VILL: variants seen among roughly 807,000 people sequenced by gnomAD.
VILL encodes the protein villin-like protein.
Under a neutral mutation model 106.3 loss-of-function variants are expected in VILL, and 102 were observed. That is an observed-to-expected ratio of 0.96 (90% CI 0.82 to 1.13). The LOEUF is 1.13. Among genes scored for constraint, VILL ranks in the 50% most tolerant of loss-of-function variants. The probability of loss-of-function intolerance (pLI) is 0.00; values close to 1 mark genes in which losing one functional copy is unlikely to be tolerated. For synonymous variants in VILL, 431 were observed against 440.3 expected, an observed-to-expected ratio of 0.98 and a Z score of 0.27; for missense variants, 1,076 against 1,116.6, an observed-to-expected ratio of 0.96 and a Z score of 0.52.
At chr3:38,006,415 C>T (rs1699925605) in intron 18 of VILL, 34 bp from the exon 19 acceptor site, 10 of 1,579,418 alleles carry the variant, frequency 6.3e-6, no homozygotes, top group South Asian at 1.2e-5. Context: ...ACTGATTCCC[C>T]ATCTTCCCCA....
intron 14 of VILL, chr3:38,002,783 G>A (rs1196577630): frequency 4.8e-6 from 3 of 629,184 alleles, no homozygotes; most frequent in South Asian, 2.2e-5. Flanking sequence ...GCAGGTCAGA[G>A]CCAGGCCCAG....
At position 38,002,456 on chromosome 3, in the gene VILL, C is replaced by G; in HGVS notation, c.1540C>G (p.Gln514Glu). The G allele has an allele frequency of 6.2e-7, 1 of 1,614,128 alleles. No homozygotes were observed. The highest frequency in any genetic ancestry group is 8.5e-7 in the Non-Finnish European group (1 of 1,179,994). The change falls in exon 14 of 20, where the codon CAA becomes GAA. Residue 514 changes from glutamine (Q) to glutamate (E), a missense_variant. Gln to Glu is a conservative substitution (Grantham distance 29, BLOSUM62 2). Coordinates refer to ENST00000383759, the MANE Select transcript of VILL (RefSeq NM_015873.4). ...SASTTRLFQV[Q>E]GTDSHNTRTM... ...ATCCACCACAAGGCTTTTCCAAGTGCAAGGCACTGACAGCCACAACACCAG... is the reference window on the plus strand; with the variant it reads ...ATCCACCACAAGGCTTTTCCAAGTGGAAGGCACTGACAGCCACAACACCAG...
rs1699853230 is a variant in VILL, at chr3:38,003,261, C to T, written c.1753C>T (p.Pro585Ser). The change falls in exon 15 of 20, where the codon CCC becomes TCC. Residue 585 changes from proline (P) to serine (S), a missense_variant. Transcript: ENST00000383759. ...AACGGTGCTGGAGGGTCAGGAGCCT[C>T]CCCACTTCTGGGAGGCCCTGGGAGG... is the stretch of plus-strand genomic sequence containing the variant. Reference protein sequence around the residue: ...EETVLEGQEPPHFWEALGGRA... With the variant: ...EETVLEGQEPSHFWEALGGRA... 2.5e-6 allele frequency: 4 copies of T among 1,613,720 alleles called. No individual in the cohort carries two copies. The highest frequency in any genetic ancestry group is 3.4e-6 in the Non-Finnish European group (4 of 1,179,842).
Position 37,997,114 on chromosome 3 carries a change from T to A in VILL, c.488T>A (p.Ile163Asn). 1 of 1,614,104 alleles carries A rather than the reference T, an allele frequency of 6.2e-7. No homozygotes were observed. The highest frequency in any genetic ancestry group is 8.5e-7 in the Non-Finnish European group (1 of 1,180,010). The change falls in exon 6 of 20, where the codon ATC becomes AAC. Residue 163 changes from isoleucine to asparagine, a missense_variant. Ile to Asn is a moderately radical substitution (Grantham distance 149). Transcript: ENST00000383759. This position sits in a 1 kb window ranked among gnomAD's most constrained non-coding sequence, Gnocchi z 4.7. Reference protein sequence around the residue: ...LSWNSFNKGDIFLLDLGKMMI... With the variant: ...LSWNSFNKGDNFLLDLGKMMI... ...TGGAACAGCTTTAATAAGGGTGACA[T>A]CTTCCTGCTGGACCTAGGCAAGATG...
At chr3:37,992,158 T>C (rs1209835190) in intron 1 of VILL, among the ~76,000 whole-genome samples, 1 of 152,152 alleles carries the variant, frequency 6.6e-6, no homozygotes, top group Non-Finnish European at 1.5e-5. Flanking sequence ...TCTGTCACCA[T>C]GTTGTACTCT....
chr3:37,993,148 C>T (rs945727223), intron 1 of VILL, among the ~76,000 whole-genome samples: 1 of 152,226 alleles, frequency 6.6e-6, no homozygotes, highest in African/African-American at 2.4e-5. Flanking sequence ...CCCCCAGGTA[C>T]TTCTCATTCC....
intron 11 of VILL, among the ~76,000 whole-genome samples, chr3:37,999,880 C>G (rs1359979757): frequency 6.6e-6 from 1 of 152,218 alleles, no homozygotes; most frequent in Non-Finnish European, 1.5e-5. Flanking sequence ...CACAGACACA[C>G]GATCACACAT....
chr3:38,003,938 G>T (rs1267560409), intron 15 of VILL: 2 of 279,036 alleles, frequency 7.2e-6, no homozygotes, highest in African/African-American at 2.1e-5. Flanking sequence ...CCAGGGGTGG[G>T]CTGAGGAGCT....
Position 37,997,515 on chromosome 3 carries a change from G to A in VILL, c.594G>A (p.Arg198=). 1.2e-6 allele frequency: 2 copies of A among 1,614,064 alleles called. No homozygotes were observed. Among genetic ancestry groups the A allele is most frequent in the Non-Finnish European group, 1.7e-6 (2 of 1,180,022 alleles). ...CTTTGACCTACAGCCTCCGGGACAG[G>A]GAACGTGGTGGTGGTCGTGCACAGA... ...GLALTYSLRD[R]ERGGGRAQIG... is the part of the protein sequence containing the mutation. The change falls in exon 7 of 20, where the codon AGG becomes AGA. Residue 198 remains arginine (R), a synonymous_variant. Transcript: ENST00000383759. The surrounding 1 kb of genome is among the most constrained non-coding windows in gnomAD (Gnocchi z 4.7).
chr3:37,997,972 G>GCC lies in VILL; in HGVS notation c.765-115_765-114dup, dbSNP rs917442944. The GCC allele has an allele frequency of 8.9e-7, 1 of 1,120,346 alleles. No individual in the cohort carries two copies. Among genetic ancestry groups the GCC allele is most frequent in the Non-Finnish European group, 1.3e-6 (1 of 798,018 alleles). 69.4% of individuals were successfully genotyped at this position (1,120,346 alleles called of 1,614,324 possible). ...GTAAAAGTGAAGACTACAACTCGGG[G>GCC]CCCCAGCCCCCATGCCTTCTGTCTC... is the stretch of plus-strand genomic sequence containing the variant. On this transcript the variant is annotated intron_variant, in intron 7 of 19. Coordinates refer to ENST00000383759, the MANE Select transcript of VILL (RefSeq NM_015873.4). This position sits in a 1 kb window ranked among gnomAD's most constrained non-coding sequence, Gnocchi z 4.7.
intron 13 of VILL, 152 bp from the exon 14 acceptor site, chr3:38,002,244 A>G (rs960701255): frequency 1.3e-5 from 9 of 700,536 alleles, no homozygotes; most frequent in Admixed American, 1.2e-4. Flanking sequence ...CTCCACACTT[A>G]GAGGGTCCTG....
Position 38,001,804 on chromosome 3 carries a change from G to A in VILL, c.1423G>A (p.Gly475Ser), listed in dbSNP as rs1423053100. 1 of 1,614,006 alleles carries A rather than the reference G, an allele frequency of 6.2e-7. No homozygotes were observed. Among genetic ancestry groups the A allele is most frequent in the Non-Finnish European group, 8.5e-7 (1 of 1,179,994 alleles). ...GVLVQEHVTM[G>S]SEPPHFLAIF... Reference sequence around the variant, plus strand: ...CCTAGTACAGGAGCATGTGACCATGGGCAGCGAGCCCCCCCACTTCCTCGC... The same window carrying A: ...CCTAGTACAGGAGCATGTGACCATGAGCAGCGAGCCCCCCCACTTCCTCGC... Residue 475 changes from glycine (G) to serine (S), a missense_variant, in exon 13 of 20, where the codon GGC (glycine) becomes AGC (serine). Coordinates refer to ENST00000383759, the MANE Select transcript of VILL (RefSeq NM_015873.4).
chr3:37,994,437 C>G lies in VILL; in HGVS notation c.312C>G (p.Cys104Trp). 6.2e-7 allele frequency: 1 copy of G among 1,612,686 alleles called. No individual in the cohort carries two copies. The highest frequency in any genetic ancestry group is 8.5e-7 in the Non-Finnish European group (1 of 1,179,876). Residue 104 changes from cysteine to tryptophan, a missense_variant, in exon 4 of 20, where the codon TGC becomes TGG. Physicochemically the swap from Cys to Trp is radical, Grantham distance 215. Coordinates refer to ENST00000383759, the MANE Select transcript of VILL (RefSeq NM_015873.4). Reference protein sequence around the residue: ...HREAQGHESDCFCSYFRPGII... With the variant: ...HREAQGHESDWFCSYFRPGII... ...AGGCGCAGGGCCACGAGTCCGACTG[C>G]TTCTGCAGCTACTTCCGCCCGGGAA...
At chr3:38,005,348 C>T (rs1699895589) in intron 16 of VILL, among the ~76,000 whole-genome samples, 1 of 152,162 alleles carries the variant, frequency 6.6e-6, no homozygotes, top group Non-Finnish European at 1.5e-5. Context: ...GGGCACACGG[C>T]CACCTCGGGG....
In VILL at chr3:37,993,624, ACT is replaced by A. The variant is rs1024905798; in HGVS notation, c.-46_-45del. 1 of 1,579,322 alleles carries A rather than the reference ACT, an allele frequency of 6.3e-7. No individual in the cohort carries two copies. The highest frequency in any genetic ancestry group is 1.4e-5 in the African/African-American group (1 of 73,892). ...CCAGGTGTCGGTCTCCAGCCTGAGAACTCTGGCTGTTGTTCCTTGTGTCGTCC... is the reference window on the plus strand; with the variant it reads ...CCAGGTGTCGGTCTCCAGCCTGAGAACTGGCTGTTGTTCCTTGTGTCGTCC... On this transcript the variant is annotated 5_prime_UTR_variant, in exon 2 of 20. Coordinates refer to ENST00000383759, the MANE Select transcript of VILL (RefSeq NM_015873.4).
In VILL at chr3:37,993,627, C is replaced by G. The variant is rs776964061; in HGVS notation, c.-46C>G. ...GGTGTCGGTCTCCAGCCTGAGAACT[C>G]TGGCTGTTGTTCCTTGTGTCGTCCC... On this transcript the variant is annotated 5_prime_UTR_variant, in exon 2 of 20. Coordinates refer to ENST00000383759, the MANE Select transcript of VILL (RefSeq NM_015873.4). 248 of 1,597,020 alleles carry G rather than the reference C, an allele frequency of 1.6e-4. No individual in the cohort carries two copies. Among genetic ancestry groups the G allele is most frequent in the Non-Finnish European group, 2.0e-4 (230 of 1,167,660 alleles).
In VILL at chr3:37,998,824, C is replaced by G; in HGVS notation, c.943-88C>G. On this transcript the variant is annotated intron_variant, in intron 9 of 19. Coordinates refer to ENST00000383759, the MANE Select transcript of VILL (RefSeq NM_015873.4). This position sits in a 1 kb window ranked among gnomAD's most constrained non-coding sequence, Gnocchi z 4.1. ...CGGTTAATTAACGCTTCTTGGAGCTCGGCTGTCCCAGAGCGGTAGGTCCCC... is the reference window on the plus strand; with the variant it reads ...CGGTTAATTAACGCTTCTTGGAGCTGGGCTGTCCCAGAGCGGTAGGTCCCC... 1.3e-6 allele frequency: 2 copies of G among 1,497,748 alleles called. No individual in the cohort carries two copies. The highest frequency in any genetic ancestry group is 2.6e-5 in the South Asian group (2 of 76,258). 92.8% of individuals were successfully genotyped at this position (1,497,748 alleles called of 1,614,324 possible). A position where few individuals can be genotyped will look rare whatever the true frequency, so the allele number is the denominator to read the frequency against.
At chr3:37,996,966 C>A in intron 5 of VILL, 111 bp from the exon 6 acceptor site, 1 of 873,498 alleles carries the variant, frequency 1.1e-6, no homozygotes, top group East Asian at 2.4e-5. Flanking sequence ...CACATGCCTA[C>A]GTACACCCAG....
Position 37,999,328 on chromosome 3 carries a change from C to T in VILL, c.1082-11C>T, listed in dbSNP as rs1292576902. 2.7e-6 allele frequency: 4 copies of T among 1,507,934 alleles called. No homozygotes were observed. The highest frequency in any genetic ancestry group is 4.6e-5 in the Admixed American group (2 of 43,368). The allele number at this position is 1,507,934 out of a possible 1,614,324, so 93.4% of individuals were successfully genotyped here. A position where few individuals can be genotyped will look rare whatever the true frequency, so the allele number is the denominator to read the frequency against. ...AGAGGGCGCCACTGACGCCTACTGT[C>T]CCCCCTTCAGATAAATCGATTCATG... On this transcript the variant is annotated splice_polypyrimidine_tract_variant and intron_variant, in intron 10 of 19. Coordinates refer to ENST00000383759, the MANE Select transcript of VILL (RefSeq NM_015873.4).
Sources: gnomAD v4.1 joint callset for allele counts (sites outside exome capture counted in the v4.1 genomes callset) on GRCh38, gnomAD v4.1.1 for gene constraint, Gnocchi (gnomAD v3.1) non-coding constraint, MANE v1.5 for transcripts, NCBI Gene and HGNC (gene_info 2026-07-23, HGNC 2026-07-21) for gene names.